Variants in PCDH15 observed in about 807,000 individuals in gnomAD.
PCDH15 encodes the protein protocadherin related 15.
Under a neutral mutation model 178.5 loss-of-function variants are expected in PCDH15, and 129 were observed. The ratio of observed to expected loss-of-function variants is 0.72; its 90% confidence interval spans 0.63 to 0.84. The LOEUF (loss-of-function observed/expected upper bound fraction) is 0.84, where lower values mean the gene tolerates loss of function less well. Among genes scored for constraint, PCDH15 ranks in the 40% least tolerant of loss-of-function variants. PCDH15 has a pLI of 0.00. For missense variants in PCDH15, 2,230 were observed against 2,099.9 expected (o/e 1.06, Z -1.21); for synonymous variants, 800 against 732.0 (o/e 1.09, Z -1.50).
chr10:54,713,612 A>G (rs950824493), intron 1 of PCDH15, among the ~76,000 whole-genome samples: 4 of 152,100 alleles, frequency 2.6e-5, no homozygotes, highest in African/African-American at 9.7e-5. Context: ...CTGTATAATC[A>G]GTGTCTGGGC....
At chr10:55,495,461 G>C (rs1288192707) in intron 2 of PCDH15, among the ~76,000 whole-genome samples, 3 of 151,630 alleles carry the variant, frequency 2.0e-5, no homozygotes, top group Non-Finnish European at 4.4e-5. Flanking sequence ...GGTTTGAATA[G>C]ACATTTCAAC....
chr10:54,313,165 T>A (rs967669440), intron 8 of PCDH15, among the ~76,000 whole-genome samples: 3 of 152,120 alleles, frequency 2.0e-5, no homozygotes, highest in African/African-American at 7.2e-5. Flanking sequence ...CCTCCTTTTT[T>A]TACTGGCAAG....
chr10:54,481,664 T>C (rs565060261), intron 3 of PCDH15, among the ~76,000 whole-genome samples: 213 of 151,958 alleles, frequency 1.4e-3, no homozygotes, highest in Admixed American at 2.5e-3. Context: ...TATGTTAACA[T>C]TGGTAATTTC....
intron 2 of PCDH15, among the ~76,000 whole-genome samples, chr10:55,003,413 T>C (rs1839841431): frequency 6.6e-6 from 1 of 151,614 alleles, no homozygotes; most frequent in Admixed American, 6.6e-5. Context: ...AATGAACTAA[T>C]GGAGGACAGA....
intron 21 of PCDH15, among the ~76,000 whole-genome samples, chr10:53,991,872 T>C (rs2091510625): frequency 6.6e-6 from 1 of 151,668 alleles, no homozygotes; most frequent in Admixed American, 6.6e-5. Flanking sequence ...ATCAGCTCTC[T>C]GTAAAATGGG....
intron 1 of PCDH15, among the ~76,000 whole-genome samples, chr10:55,255,450 T>C (rs1184276849): frequency 6.6e-6 from 1 of 152,208 alleles, no homozygotes; most frequent in Admixed American, 6.5e-5. Context: ...TGATTTATAA[T>C]CCCTTGGGTA....
chr10:54,579,578 A>T (rs1214840021), intron 2 of PCDH15, among the ~76,000 whole-genome samples: 1 of 152,010 alleles, frequency 6.6e-6, no homozygotes, highest in Non-Finnish European at 1.5e-5. Flanking sequence ...AGAGATCATC[A>T]ATGCAAAATA....
intron 2 of PCDH15, among the ~76,000 whole-genome samples, chr10:55,140,383 A>G (rs907171906): frequency 1.3e-5 from 2 of 151,882 alleles, no homozygotes; most frequent in African/African-American, 4.8e-5. Context: ...TCTGTGGCCA[A>G]GGGTCCCGAT....
chr10:54,799,118 G>T (rs564727101), intron 1 of PCDH15, among the ~76,000 whole-genome samples: 2 of 152,096 alleles, frequency 1.3e-5, no homozygotes, highest in African/African-American at 4.8e-5. Flanking sequence ...CGTACGTTTT[G>T]TGATCAAATA....
At chr10:55,266,776 G>T (rs543652825) in intron 1 of PCDH15, among the ~76,000 whole-genome samples, 15 of 152,134 alleles carry the variant, frequency 9.9e-5, no homozygotes, top group Non-Finnish European at 2.1e-4. Context: ...TCTGGCCAAG[G>T]TGGTCAGAGG....
chr10:53,894,286 A>G (rs1461096829), intron 26 of PCDH15, among the ~76,000 whole-genome samples: 1 of 152,200 alleles, frequency 6.6e-6, no homozygotes, highest in East Asian at 1.9e-4. Context: ...ATGCACCCTC[A>G]GACACCTACA....
At chr10:55,197,392 T>C (rs1432158047) in intron 1 of PCDH15, among the ~76,000 whole-genome samples, 7 of 152,110 alleles carry the variant, frequency 4.6e-5, no homozygotes, top group South Asian at 4.1e-4. Context: ...TGATTAAATT[T>C]TCTATTGATT....
At chr10:54,174,091 A>C (rs2133670537) in intron 13 of PCDH15, among the ~76,000 whole-genome samples, 1 of 152,320 alleles carries the variant, frequency 6.6e-6, no homozygotes, top group African/African-American at 2.4e-5. Flanking sequence ...AAAACCATTG[A>C]AGGGGTCAAG....
intron 11 of PCDH15, among the ~76,000 whole-genome samples, chr10:54,189,947 GTGTGTGTGTGTGTGTA>G (rs2048834515): frequency 1.3e-5 from 2 of 151,680 alleles, no homozygotes; most frequent in African/African-American, 2.4e-5. Flanking sequence ...GTGTGTGTGT[GTGTGTGTGTGTGTGTA>G]TGGGTATATG....
chr10:54,437,135 C>A lies in PCDH15; in HGVS notation c.158-58193G>T, dbSNP rs73255907. 7.7e-3 allele frequency among the ~76,000 whole-genome samples: 1,179 copies of A among 152,250 alleles called. 16 individuals are homozygous for A. Among genetic ancestry groups the A allele is most frequent in the African/African-American group, 0.027 (1,112 of 41,554 alleles). On this transcript the variant is annotated intron_variant, in intron 3 of 37. Coordinates refer to ENST00000644397, the MANE Select transcript of PCDH15 (RefSeq NM_001384140.1). ...TTTGTTGTAGCTGTAAAAATGTATACTCTTTACCAGCAGTTACAAAAACAA... is the reference window on the plus strand; with the variant it reads ...TTTGTTGTAGCTGTAAAAATGTATAATCTTTACCAGCAGTTACAAAAACAA...
intron 3 of PCDH15, among the ~76,000 whole-genome samples, chr10:54,439,945 T>C (rs942265888): frequency 6.6e-6 from 1 of 152,076 alleles, no homozygotes; most frequent in Non-Finnish European, 1.5e-5. Flanking sequence ...GATTTATCCT[T>C]AGATTATCTA....
rs7069358 is a variant in PCDH15, at chr10:54,964,169, A to G, written c.-79-66669T>C. ...CCCTGACGGTTGGTTTCCTAAGAAA[A>G]GAACTTAGATAAGACAAATGGAACT... On this transcript the variant is annotated intron_variant, in intron 2 of 5. Transcript: ENST00000458638. 5.2e-3 allele frequency among the ~76,000 whole-genome samples: 787 copies of G among 152,298 alleles called. 5 individuals are homozygous for G. Among genetic ancestry groups the G allele is most frequent in the African/African-American group, 0.018 (754 of 41,562 alleles).
At chr10:54,397,628 A>T (rs1381964163) in intron 3 of PCDH15, among the ~76,000 whole-genome samples, 1 of 152,062 alleles carries the variant, frequency 6.6e-6, no homozygotes, top group Non-Finnish European at 1.5e-5. Context: ...TCACAAACAT[A>T]AAATATGAAT....
intron 16 of PCDH15, among the ~76,000 whole-genome samples, chr10:54,084,083 CTT>C (rs34480492): frequency 0.54 from 79,445 of 148,134 alleles, 22,022 homozygotes; most frequent in African/African-American, 0.69. Flanking sequence ...TTAATGTGCA[CTT>C]TTTTTTTTTT....
Sources: allele counts gnomAD v4.1 joint callset (sites outside exome capture counted in the v4.1 genomes callset), GRCh38; gene constraint gnomAD v4.1.1; transcripts MANE v1.5; gene names NCBI Gene and HGNC (gene_info 2026-07-23, HGNC 2026-07-21).